Variants in POLR2F observed in about 807,000 individuals in gnomAD.
POLR2F encodes RNA polymerase II, I and III subunit F, also known as DNA-directed RNA polymerases I, II, and III subunit RPABC2.
In POLR2F, 12 loss-of-function variants were observed where a neutral mutation model predicts 22.7. That is an observed-to-expected ratio of 0.53 (90% CI 0.34 to 0.86). POLR2F has a LOEUF of 0.86. Among genes scored for constraint, POLR2F ranks in the 40% least tolerant of loss-of-function variants. The pLI is 0.02. For synonymous variants in POLR2F, 57 were observed against 66.0 expected, an observed-to-expected ratio of 0.86 and a Z score of 0.66; for missense variants, 126 against 171.5, an observed-to-expected ratio of 0.73 and a Z score of 1.48.
In POLR2F at chr22:38,006,304, C is replaced by T. The variant is rs34975952; in HGVS notation, c.121-19565C>T. Among the ~76,000 whole-genome samples, 1,117 of 152,294 alleles carry T rather than the reference C, an allele frequency of 7.3e-3. 8 individuals are homozygous for T. Among genetic ancestry groups the T allele is most frequent in the Non-Finnish European group, 0.01 (697 of 68,018 alleles). ...TTGGGACATATGGAGGGCAGCGAAC[C>T]AGTGAGCGAGGCAGTGAGCAGGCAT... is the stretch of plus-strand genomic sequence containing the variant. On this transcript the variant is annotated intron_variant, in intron 1 of 2. Coordinates refer to the POLR2F transcript ENST00000333418.
upstream of POLR2F, among the ~76,000 whole-genome samples, chr22:37,985,893 G>A (rs1279155312): frequency 1.3e-5 from 2 of 152,020 alleles, no homozygotes; most frequent in Non-Finnish European, 2.9e-5. Flanking sequence ...GGGCCAGTGT[G>A]TCTGGGGCCT....
intron 5 of POLR2F, among the ~76,000 whole-genome samples, chr22:38,039,008 C>T (rs530926102): frequency 1.3e-5 from 2 of 152,286 alleles, no homozygotes; most frequent in Admixed American, 1.3e-4. Context: ...GTGGCAGGAC[C>T]CTCCCGTCCC....
At chr22:37,971,417 G>A (rs1324175362), downstream of POLR2F, 1 of 410,414 alleles carries the variant, frequency 2.4e-6, no homozygotes, top group African/African-American at 2.1e-5. Context: ...TGGGTATGAG[G>A]AAGAACTTCC....
downstream of POLR2F, chr22:37,974,142 C>T: frequency 6.2e-7 from 1 of 1,611,556 alleles, no homozygotes. The surrounding 1 kb of genome is among the most constrained non-coding windows in gnomAD (Gnocchi z 5.4). Context: ...TCTGCCTTGC[C>T]CGACTGCAGC....
At position 37,978,253 on chromosome 22, in the gene POLR2F, C is replaced by T; in HGVS notation, c.293+11083C>T. ...GAAGATGTGAGGCCCTGGGATGGGG[C>T]ACCCAGAGGACAGGACCCGGGGTGG... On this transcript the variant is annotated intron_variant, in intron 4 of 4. Transcript: ENST00000405557. This position sits in a 1 kb window ranked among gnomAD's most constrained non-coding sequence, Gnocchi z 5.0. 1 of 1,146,214 alleles carries T rather than the reference C, an allele frequency of 8.7e-7. No homozygotes were observed. The highest frequency in any genetic ancestry group is 1.2e-6 in the Non-Finnish European group (1 of 837,250). 71.0% of individuals were successfully genotyped at this position (1,146,214 alleles called of 1,614,324 possible).
intron 1 of POLR2F, among the ~76,000 whole-genome samples, chr22:38,013,581 T>C (rs1201870790): frequency 6.6e-6 from 1 of 152,238 alleles, no homozygotes; most frequent in Non-Finnish European, 1.5e-5. Flanking sequence ...AAAACAAATT[T>C]ACTAGCTAGC....
intron 1 of POLR2F, among the ~76,000 whole-genome samples, chr22:38,010,923 G>A (rs1369465648): frequency 4.6e-5 from 7 of 151,460 alleles, no homozygotes; most frequent in African/African-American, 1.7e-4. Context: ...AGCCTTAATG[G>A]TGTCTTTTGA....
intron 5 of POLR2F, among the ~76,000 whole-genome samples, chr22:38,039,995 C>A (rs1323354958): frequency 6.6e-6 from 1 of 152,118 alleles, no homozygotes; most frequent in Non-Finnish European, 1.5e-5. Context: ...GAAATGGAGT[C>A]AGGTGTGGTG....
chr22:37,987,961 C>T (rs919904801), intron 1 of POLR2F: 1 of 152,604 alleles, frequency 6.6e-6, no homozygotes, highest in South Asian at 2.1e-4. Context: ...TTCTGCATTT[C>T]TAATCAGTTG....
chr22:37,964,110 TAA>T (rs112506177), intron 3 of POLR2F, among the ~76,000 whole-genome samples: 5 of 140,180 alleles, frequency 3.6e-5, no homozygotes, highest in Admixed American at 7.2e-5. Context: ...CAAAAATAAT[TAA>T]AAAAAAAAAA....
At chr22:37,977,561 C>T (rs1932259271) in intron 4 of POLR2F, among the ~76,000 whole-genome samples, 1 of 152,102 alleles carries the variant, frequency 6.6e-6, no homozygotes, top group South Asian at 2.1e-4. Flanking sequence ...ACCTCGTGAT[C>T]TGCCCTCCTC....
At chr22:38,031,251 C>T (rs73886238), downstream of POLR2F, among the ~76,000 whole-genome samples, 2,435 of 152,168 alleles carry the variant, frequency 0.016, 72 homozygotes, top group African/African-American at 0.057. The surrounding 1 kb of genome is among the most constrained non-coding windows in gnomAD (Gnocchi z 4.1). Context: ...CTGTAAAATG[C>T]GGACAGTAAT....
rs1569169289 is a variant in POLR2F at position 37,978,077 on chromosome 22, G to A, written c.293+10907G>A. The A allele has an allele frequency of 6.2e-7, 1 of 1,604,336 alleles. No homozygotes were observed. On this transcript the variant is annotated intron_variant, in intron 4 of 4. Coordinates refer to the POLR2F transcript ENST00000405557. This position sits in a 1 kb window ranked among gnomAD's most constrained non-coding sequence, Gnocchi z 5.0. ...TAGTCCGGGTGGTCTTTCTTGTGCTGCATACGGAGCCGCTCAGCCTCCTCG... is the reference window on the plus strand; with the variant it reads ...TAGTCCGGGTGGTCTTTCTTGTGCTACATACGGAGCCGCTCAGCCTCCTCG...
upstream of POLR2F, chr22:37,986,012 C>T (rs570929152): frequency 1.2e-3 from 1,567 of 1,304,582 alleles, 1 homozygote; most frequent in Non-Finnish European, 1.4e-3. This position sits in a 1 kb window ranked among gnomAD's most constrained non-coding sequence, Gnocchi z 4.7. Context: ...GCGCTGCCAA[C>T]CCTCCTCCCC....
At chr22:38,038,822 C>A (rs2085142391) in intron 5 of POLR2F, among the ~76,000 whole-genome samples, 1 of 151,268 alleles carries the variant, frequency 6.6e-6, no homozygotes, top group Admixed American at 6.6e-5. Flanking sequence ...GGGCTGCGCG[C>A]TGACCGTGGC....
intron 2 of POLR2F, among the ~76,000 whole-genome samples, chr22:37,958,754 A>G (rs1006982331): frequency 9.9e-5 from 15 of 152,130 alleles, no homozygotes; most frequent in African/African-American, 3.1e-4. Context: ...TGCACCCTTC[A>G]TAGCACCTGC....
chr22:37,970,869 A>G (rs1471346998), downstream of POLR2F: 1 of 219,510 alleles, frequency 4.6e-6, no homozygotes, highest in African/African-American at 2.3e-5. Context: ...AAACAAAACA[A>G]AAACAGCATA....
chr22:38,028,274 G>A (rs1385731416), downstream of POLR2F, among the ~76,000 whole-genome samples: 2 of 152,144 alleles, frequency 1.3e-5, no homozygotes, highest in Non-Finnish European at 2.9e-5. Flanking sequence ...TGGAGGCTGC[G>A]TGGGCTGCTT....
exon 3 of POLR2F, chr22:38,026,613 T>G: frequency 6.7e-6 from 2 of 296,784 alleles, no homozygotes; most frequent in South Asian, 6.0e-5. Context: ...GGAACTTCCC[T>G]GCAGCTGCAG....
Sources: gnomAD v4.1 joint callset for allele counts (sites outside exome capture counted in the v4.1 genomes callset) on GRCh38, gnomAD v4.1.1 for gene constraint, Gnocchi (gnomAD v3.1) non-coding constraint, MANE v1.5 for transcripts, NCBI Gene and HGNC (gene_info 2026-07-23, HGNC 2026-07-21) for gene names.